The following CENPF variants were observed in gnomAD, a reference collection of about 807,000 sequenced individuals.
CENPF encodes the protein centromere protein F.
CENPF carries 214 observed loss-of-function variants against 307.3 expected under a neutral mutation model. That is an observed-to-expected ratio of 0.70 (90% CI 0.62 to 0.78). The LOEUF (loss-of-function observed/expected upper bound fraction) is 0.78. Among genes scored for constraint, CENPF ranks in the 30% least tolerant of loss-of-function variants. The pLI is 0.00. For missense variants in CENPF, 3,401 were observed against 3,483.9 expected, an observed-to-expected ratio of 0.98 and a Z score of 0.60; for synonymous variants, 1,259 against 1,270.6, an observed-to-expected ratio of 0.99 and a Z score of 0.19.
rs765440444 is a variant in CENPF, at chr1:214,647,325, G to T, written c.7755G>T (p.Val2585=). 8.7e-6 allele frequency: 14 copies of T among 1,613,828 alleles called. No homozygotes were observed. Among genetic ancestry groups the T allele is most frequent in the Non-Finnish European group, 1.0e-5 (12 of 1,179,862 alleles). Reference sequence around the variant, plus strand: ...CCTCTTTGCAGGACACATTAGAAGTGCTGCAGAGTTCTTACAAGAATCTAG... The same window carrying T: ...CCTCTTTGCAGGACACATTAGAAGTTCTGCAGAGTTCTTACAAGAATCTAG... ...KNASLQDTLE[V]LQSSYKNLEN... Residue 2585 remains valine (V), a synonymous_variant, in exon 13 of 20, where the codon GTG becomes GTT. Transcript: ENST00000366955.
chr1:214,645,359 CAG>C lies in CENPF; in HGVS notation c.5793_5794del (p.Lys1932AlafsTer8). 6.2e-7 allele frequency: 1 copy of C among 1,614,018 alleles called. No homozygotes were observed. The highest frequency in any genetic ancestry group is 8.5e-7 in the Non-Finnish European group (1 of 1,180,022). ...GAGGCTGACTTAGAGGTAGTTCAAA[CAG>C]AGAAGCTATGTTTAGAAAAAGACAA... On this transcript the variant is annotated frameshift_variant, in exon 13 of 20. Coordinates refer to ENST00000366955, the MANE Select transcript of CENPF (RefSeq NM_016343.4). LOFTEE classifies it high-confidence loss of function.
intron 1 of CENPF, chr1:214,605,440 TG>T (rs1433283799): frequency 5.9e-6 from 3 of 504,704 alleles, no homozygotes; most frequent in Non-Finnish European, 1.1e-5. Context: ...GAATCCGCTT[TG>T]TTTTTTTTTT....
At chr1:214,609,705 A>G (rs1447304011) in intron 1 of CENPF, among the ~76,000 whole-genome samples, 1 of 152,066 alleles carries the variant, frequency 6.6e-6, no homozygotes, top group Non-Finnish European at 1.5e-5. Flanking sequence ...CCTAATACTC[A>G]ATAGTTATTT....
At chr1:214,652,550 TCTC>T (rs1232510788) in intron 15 of CENPF, among the ~76,000 whole-genome samples, 1 of 150,732 alleles carries the variant, frequency 6.6e-6, no homozygotes, top group African/African-American at 2.4e-5. Flanking sequence ...TTCAAGCAAT[TCTC>T]CTGTCTCAGC....
chr1:214,661,055 C>T (rs138887434), intron 19 of CENPF, among the ~76,000 whole-genome samples: 79 of 152,314 alleles, frequency 5.2e-4, no homozygotes, highest in African/African-American at 1.9e-3. Context: ...ATGCGGCGTT[C>T]AGACTTACTA....
intron 11 of CENPF, 59 bp downstream of exon 11, chr1:214,638,060 A>T (rs1199342474): frequency 4.1e-6 from 6 of 1,479,884 alleles, no homozygotes; most frequent in Non-Finnish European, 5.5e-6. Context: ...GTGAGAGGGG[A>T]TGGATGGCAT....
intron 1 of CENPF, among the ~76,000 whole-genome samples, chr1:214,603,873 G>T (rs1311057988): frequency 1.3e-5 from 2 of 151,286 alleles, no homozygotes; most frequent in African/African-American, 4.9e-5. Flanking sequence ...ATATTGCCTA[G>T]GCTGGTCTGG....
rs1386789751 is a variant in CENPF, at chr1:214,641,389, G to A, written c.3051G>A (p.Gln1017=). 4 of 1,584,068 alleles carry A rather than the reference G, an allele frequency of 2.5e-6. No individual in the cohort carries two copies. The Admixed American group carries it at 8.0e-5, about 32-fold the overall frequency. ...AAAGCATTTCAGAGTTATCTGATCA[G>A]TACAAGCAAGAAAAACTTATTTTAC... ...REKSISELSD[Q]YKQEKLILLQ... Residue 1017 remains glutamine (Q), a synonymous_variant, in exon 12 of 20, where the codon CAG becomes CAA. Coordinates refer to ENST00000366955, the MANE Select transcript of CENPF (RefSeq NM_016343.4).
chr1:214,662,902 CCTGAG>C (rs1393565895), intron 19 of CENPF, among the ~76,000 whole-genome samples: 1 of 152,086 alleles, frequency 6.6e-6, no homozygotes, highest in Non-Finnish European at 1.5e-5. Flanking sequence ...GCCTCAGCCT[CCTGAG>C]TAGCTGGAAC....
At chr1:214,653,030 A>C in intron 16 of CENPF, 41 bp downstream of exon 16, 1 of 1,531,886 alleles carries the variant, frequency 6.5e-7, no homozygotes, top group South Asian at 1.1e-5. Context: ...CGAATGGTTT[A>C]TACAGGTGGT....
chr1:214,631,172 T>G (rs1173697004), intron 9 of CENPF, among the ~76,000 whole-genome samples: 1 of 152,208 alleles, frequency 6.6e-6, no homozygotes, highest in Non-Finnish European at 1.5e-5. Context: ...AATTGAACTC[T>G]AGGTATTTTT....
intron 9 of CENPF, among the ~76,000 whole-genome samples, chr1:214,631,543 A>G (rs929941463): frequency 1.3e-5 from 2 of 152,212 alleles, no homozygotes; most frequent in Non-Finnish European, 2.9e-5. Flanking sequence ...TCTGTCACCC[A>G]GGCTGGAGTG....
At chr1:214,630,730 ACC>A (rs1287457711) in intron 9 of CENPF, 68 bp downstream of exon 9, 1 of 1,546,960 alleles carries the variant, frequency 6.5e-7, no homozygotes, top group African/African-American at 1.4e-5. Context: ...TTACTTCTCT[ACC>A]ATAACTGACA....
chr1:214,629,050 C>A lies in CENPF; in HGVS notation c.1073C>A (p.Thr358Asn). Residue 358 changes from threonine to asparagine, a missense_variant, in exon 8 of 20, where the codon ACT becomes AAT. Transcript: ENST00000366955. ...AACATTTTTATTCATTATTAGTATACTGCATTGGAACAAAAACTGAAAAAA... is the reference window on the plus strand; with the variant it reads ...AACATTTTTATTCATTATTAGTATAATGCATTGGAACAAAAACTGAAAAAA... Reference protein sequence around the residue: ...AQYDQASTKYTALEQKLKKLT... With the variant: ...AQYDQASTKYNALEQKLKKLT... 6.2e-7 allele frequency: 1 copy of A among 1,601,558 alleles called. No individual in the cohort carries two copies. Among genetic ancestry groups the A allele is most frequent in the South Asian group, 1.1e-5 (1 of 89,000 alleles).
intron 10 of CENPF, among the ~76,000 whole-genome samples, chr1:214,636,526 C>T (rs546508892): frequency 5.1e-4 from 78 of 152,216 alleles, no homozygotes; most frequent in Non-Finnish European, 7.9e-4. Flanking sequence ...ATGAAATGAA[C>T]GCATATACAT....
intron 11 of CENPF, 44 bp downstream of exon 11, chr1:214,638,045 T>G: frequency 6.4e-7 from 1 of 1,556,130 alleles, no homozygotes; most frequent in Non-Finnish European, 8.7e-7. Context: ...TAAGCTGCTA[T>G]TCCCGTGAGA....
At chr1:214,653,114 T>C in intron 16 of CENPF, 125 bp downstream of exon 16, 1 of 878,346 alleles carries the variant, frequency 1.1e-6, no homozygotes, top group Non-Finnish European at 1.9e-6. Flanking sequence ...AAAAATGATG[T>C]CATTCATCAG....
intron 14 of CENPF, among the ~76,000 whole-genome samples, chr1:214,649,782 C>T (rs531601816): frequency 4.6e-5 from 7 of 152,246 alleles, no homozygotes; most frequent in South Asian, 2.1e-4. Context: ...GTCCCAAGTG[C>T]GTCATTATTG....
chr1:214,638,030 C>G (rs1658010174), intron 11 of CENPF, 29 bp downstream of exon 11: 1 of 1,583,352 alleles, frequency 6.3e-7, no homozygotes, highest in African/African-American at 1.4e-5. Context: ...TTAGAGTTAC[C>G]TTTCTAAGCT....
Sources: allele counts gnomAD v4.1 joint callset (sites outside exome capture counted in the v4.1 genomes callset), GRCh38; gene constraint gnomAD v4.1.1; transcripts MANE v1.5; gene names NCBI Gene and HGNC (gene_info 2026-07-23, HGNC 2026-07-21).